The following DISP3 variants were observed in gnomAD, a reference collection of about 807,000 sequenced individuals.
The protein encoded by DISP3 is protein dispatched homolog 3.
DISP3 carries 101 observed loss-of-function variants against 135.3 expected under a neutral mutation model. The observed-to-expected ratio is 0.75, with a 90% CI of 0.64 to 0.88. DISP3 has a LOEUF of 0.88. Among genes scored for constraint, DISP3 ranks in the 40% least tolerant of loss-of-function variants. The pLI is 0.00. For synonymous variants in DISP3, 856 were observed against 817.0 expected (o/e 1.05, Z -0.81); for missense variants, 1,713 against 1,878.6 (o/e 0.91, Z 1.63).
chr1:11,517,389 C>T (rs969082055), intron 6 of DISP3, 74 bp from the exon 7 acceptor site: 12 of 1,579,344 alleles, frequency 7.6e-6, no homozygotes, highest in Admixed American at 1.7e-5. Context: ...GTGTCTCTGG[C>T]TGCAGGGGGC....
chr1:11,530,504 G>A (rs1264232808), intron 15 of DISP3, among the ~76,000 whole-genome samples: 1 of 152,144 alleles, frequency 6.6e-6, no homozygotes, highest in African/African-American at 2.4e-5. Context: ...GGGGCAAGGT[G>A]GAGTCGGAGG....
chr1:11,530,879 C>T (rs749187578), intron 15 of DISP3, 28 bp from the exon 16 acceptor site: 16 of 1,612,384 alleles, frequency 9.9e-6, no homozygotes, highest in Non-Finnish European at 1.3e-5. Flanking sequence ...CTGAGCGGCC[C>T]GGGCCGGCTT....
rs558746349 is a variant in DISP3 at position 11,520,119 on chromosome 1, CATGGGCCCTGGAG to C, written c.2200+240_2200+252del. 3.6e-4 allele frequency among the ~76,000 whole-genome samples: 55 copies of C among 152,344 alleles called. No individual in the cohort carries two copies. The highest frequency in any genetic ancestry group is 1.2e-3 in the African/African-American group (49 of 41,582). ...GGGCAGTAGCACAGAGCATGCCACA[CATGGGCCCTGGAG>C]TTAGACCCACTTGAGTCTGAGTCCC... On this transcript the variant is annotated intron_variant, in intron 9 of 20. Coordinates refer to ENST00000294484, the MANE Select transcript of DISP3 (RefSeq NM_020780.2). This position sits in a 1 kb window ranked among gnomAD's most constrained non-coding sequence, Gnocchi z 4.8.
chr1:11,501,552 G>A lies in DISP3; in HGVS notation c.560G>A (p.Arg187Gln), dbSNP rs1184098211. ...TCACTCGGTGGCCCAGGCCCTTACC[G>A]GGACACTTCCGCGGCTCAAAAGCCC... is the stretch of plus-strand genomic sequence containing the variant. ...AASLGGPGPYRDTSAAQKPTA... is the reference protein window; with the variant it reads ...AASLGGPGPYQDTSAAQKPTA... The change falls in exon 2 of 21, where the codon CGG becomes CAG. Residue 187 changes from arginine to glutamine, a missense_variant. This residue lies in a region of DISP3 where 571 missense variants were observed against 494.1 expected (regional missense o/e 1.16). Transcript: ENST00000294484. This position sits in a 1 kb window ranked among gnomAD's most constrained non-coding sequence, Gnocchi z 4.9. 1 of 1,589,386 alleles carries A rather than the reference G, an allele frequency of 6.3e-7. No individual in the cohort carries two copies. Among genetic ancestry groups the A allele is most frequent in the Non-Finnish European group, 8.6e-7 (1 of 1,166,196 alleles).
Position 11,519,835 on chromosome 1 carries a change from C to T in DISP3, c.2155C>T (p.His719Tyr). Residue 719 changes from histidine to tyrosine, a missense_variant, in exon 9 of 21, where the codon CAC (histidine) becomes TAC (tyrosine). Around this residue, in one of 2 missense-constraint regions of DISP3, gnomAD observed 1,142 missense variants for 1,384.6 expected, o/e 0.82. Coordinates refer to ENST00000294484, the MANE Select transcript of DISP3 (RefSeq NM_020780.2). This position sits in a 1 kb window ranked among gnomAD's most constrained non-coding sequence, Gnocchi z 4.3. ...LIVQLQELLH[H>Y]WVLWSAVKSR... Reference sequence around the variant, plus strand: ...CGTGCAGCTGCAGGAGCTGCTGCACCACTGGGTCCTGTGGTCAGCCGTCAA... The same window carrying T: ...CGTGCAGCTGCAGGAGCTGCTGCACTACTGGGTCCTGTGGTCAGCCGTCAA... The T allele has an allele frequency of 6.2e-7, 1 of 1,612,430 alleles. No individual in the cohort carries two copies. Among genetic ancestry groups the T allele is most frequent in the Non-Finnish European group, 8.5e-7 (1 of 1,179,952 alleles).
Position 11,501,840 on chromosome 1 carries a change from G to A in DISP3, c.848G>A (p.Gly283Asp), listed in dbSNP as rs750778571. 1.2e-6 allele frequency: 2 copies of A among 1,611,864 alleles called. No individual in the cohort carries two copies. Among genetic ancestry groups the A allele is most frequent in the Non-Finnish European group, 1.7e-6 (2 of 1,179,016 alleles). Residue 283 changes from glycine to aspartate, a missense_variant, in exon 2 of 21, where the codon GGC (glycine) becomes GAC (aspartate). Transcript: ENST00000294484. This position sits in a 1 kb window ranked among gnomAD's most constrained non-coding sequence, Gnocchi z 4.9. The part of the protein sequence containing the change: ...WRIELIFLAR[G>D]DAERNIFTSE... ...ATCGAGCTCATCTTCCTGGCGCGCG[G>A]CGACGCGGAGCGCAACATTTTCACC...
chr1:11,501,847 G>C lies in DISP3; in HGVS notation c.855G>C (p.Ala285=), dbSNP rs779074937. The C allele has an allele frequency of 1.2e-6, 2 of 1,612,274 alleles. No individual in the cohort carries two copies. The highest frequency in any genetic ancestry group is 1.7e-6 in the Non-Finnish European group (2 of 1,179,196). ...TCATCTTCCTGGCGCGCGGCGACGC[G>C]GAGCGCAACATTTTCACCAGTGAGC... ...IELIFLARGD[A]ERNIFTSERL... The change falls in exon 2 of 21, where the codon GCG becomes GCC. Residue 285 remains alanine, a synonymous_variant. Transcript: ENST00000294484. The surrounding 1 kb of genome is among the most constrained non-coding windows in gnomAD (Gnocchi z 4.9).
chr1:11,521,323 T>C (rs1481260877), intron 10 of DISP3, among the ~76,000 whole-genome samples: 2 of 62,680 alleles, frequency 3.2e-5, no homozygotes, highest in Admixed American at 2.2e-4. Context: ...TTAACCAGGC[T>C]GGGAGGAGAA....
rs952541624 is a variant in DISP3 at position 11,499,454 on chromosome 1, C to T, written c.-3-1536C>T. Among the ~76,000 whole-genome samples the T allele has an allele frequency of 2.0e-5, 3 of 152,166 alleles. No individual in the cohort carries two copies. The highest frequency in any genetic ancestry group is 7.2e-5 in the African/African-American group (3 of 41,434). The stretch of plus-strand genomic sequence containing the variant: ...GTCTGAGCTGCCTCCAGTGCGAATA[C>T]AAATCGGGACTCAGAGCAGTTACCA... On this transcript the variant is annotated intron_variant, in intron 1 of 20. Coordinates refer to ENST00000294484, the MANE Select transcript of DISP3 (RefSeq NM_020780.2). The surrounding 1 kb of genome is among the most constrained non-coding windows in gnomAD (Gnocchi z 5.2).
rs1397958160 is a variant in DISP3 at position 11,530,765 on chromosome 1, G to A, written c.3103-142G>A. 3 of 1,123,058 alleles carry A rather than the reference G, an allele frequency of 2.7e-6. No individual in the cohort carries two copies. In the East Asian group the frequency reaches 7.3e-5, roughly 27 times the overall value. The allele number at this position is 1,123,058 out of a possible 1,614,324, so 69.6% of individuals were successfully genotyped here. A position where few individuals can be genotyped will look rare whatever the true frequency, so the allele number is the denominator to read the frequency against. ...AGAGGGTTAGGGTGGAGCAGTGGGT[G>A]AGCAGTTGCAGGCTGCCAACATGAG... On this transcript the variant is annotated intron_variant, in intron 15 of 20. Transcript: ENST00000294484.
rs1312831392 is a variant in DISP3, at chr1:11,536,809, C to G, written c.*123C>G. On this transcript the variant is annotated 3_prime_UTR_variant, in exon 21 of 21. Coordinates refer to ENST00000294484, the MANE Select transcript of DISP3 (RefSeq NM_020780.2). This position sits in a 1 kb window ranked among gnomAD's most constrained non-coding sequence, Gnocchi z 4.3. ...GGGCCCAGGGCGCCCTGCGGGCCAG[C>G]GTGGAGGCTGACACCCACACAGATG... The G allele has an allele frequency of 7.8e-7, 1 of 1,283,622 alleles. No homozygotes were observed. Among genetic ancestry groups the G allele is most frequent in the African/African-American group, 1.5e-5 (1 of 65,068 alleles). The allele number at this position is 1,283,622 out of a possible 1,614,324, so 79.5% of individuals were successfully genotyped here.
chr1:11,501,657 G>T lies in DISP3; in HGVS notation c.665G>T (p.Arg222Leu), dbSNP rs779679457. 1.9e-6 allele frequency: 3 copies of T among 1,608,712 alleles called. No homozygotes were observed. In the South Asian group the frequency reaches 3.3e-5, roughly 18 times the overall value. ...GCAGCCAACCAGAGTGAAGACCCGC[G>T]AAACCAGCGGCTGAGCAAGAATGGG... Reference protein sequence around the residue: ...DLAANQSEDPRNQRLSKNGRY... With the variant: ...DLAANQSEDPLNQRLSKNGRY... Residue 222 changes from arginine (R) to leucine (L), a missense_variant, in exon 2 of 21, where the codon CGA (arginine) becomes CTA (leucine). Around this residue, in one of 2 missense-constraint regions of DISP3, gnomAD observed 571 missense variants for 494.1 expected, o/e 1.16. Coordinates refer to ENST00000294484, the MANE Select transcript of DISP3 (RefSeq NM_020780.2). This position sits in a 1 kb window ranked among gnomAD's most constrained non-coding sequence, Gnocchi z 4.9.
chr1:11,501,124 T>C lies in DISP3; in HGVS notation c.132T>C (p.Cys44=). The C allele has an allele frequency of 6.2e-7, 1 of 1,613,932 alleles. No individual in the cohort carries two copies. The highest frequency in any genetic ancestry group is 1.7e-4 in the Middle Eastern group (1 of 6,048). Residue 44 remains cysteine (C), a synonymous_variant, in exon 2 of 21, where the codon TGT becomes TGC. Coordinates refer to ENST00000294484, the MANE Select transcript of DISP3 (RefSeq NM_020780.2). This position sits in a 1 kb window ranked among gnomAD's most constrained non-coding sequence, Gnocchi z 4.9. ...PGPQPGAGGQ[C]CWRHWPLASR... is the part of the protein sequence containing the mutation. ...CCCAACCTGGGGCAGGGGGACAGTG[T>C]TGCTGGCGGCACTGGCCCCTGGCTT...
rs546151331 is a variant in DISP3, at chr1:11,497,427, C to T, written c.-3-3563C>T. Among the ~76,000 whole-genome samples the T allele has an allele frequency of 4.6e-5, 7 of 151,604 alleles. No individual in the cohort carries two copies. The East Asian group carries it at 1.2e-3, about 25-fold the overall frequency. On this transcript the variant is annotated intron_variant, in intron 1 of 20. Transcript: ENST00000294484. ...TTTAGACGGAGTCTTGCTCTGTCGTCGCCCAGGCTGGAGTGCAGTGGTGCG... is the reference window on the plus strand; with the variant it reads ...TTTAGACGGAGTCTTGCTCTGTCGTTGCCCAGGCTGGAGTGCAGTGGTGCG...
Position 11,529,101 on chromosome 1 carries a change from A to G in DISP3, c.2799-455A>G, listed in dbSNP as rs1642505372. 6.6e-6 allele frequency among the ~76,000 whole-genome samples: 1 copy of G among 152,200 alleles called. No homozygotes were observed. The highest frequency in any genetic ancestry group is 6.5e-5 in the Admixed American group (1 of 15,288). ...GCTGCACTGGGTCTAGTGGTTAGCC[A>G]GCTGTTGACACTGGAGCCCTTCCTT... On this transcript the variant is annotated intron_variant, in intron 13 of 20. Transcript: ENST00000294484. This position sits in a 1 kb window ranked among gnomAD's most constrained non-coding sequence, Gnocchi z 4.7.
At chr1:11,522,684 G>GCCAGGGCCCAGCCAGGA (rs1642253467) in intron 10 of DISP3, among the ~76,000 whole-genome samples, 2 of 47,154 alleles carry the variant, frequency 4.2e-5, no homozygotes, top group African/African-American at 8.7e-5. Context: ...CCCAGCCAGA[G>GCCAGGGCCCAGCCAGGA]CCCAGCCAGG....
rs1640826853 is a variant in DISP3, at chr1:11,479,363, G to T, written c.-13G>T. The T allele has an allele frequency of 6.5e-6, 1 of 153,258 alleles. No homozygotes were observed. Among genetic ancestry groups the T allele is most frequent in the African/African-American group, 2.4e-5 (1 of 41,442 alleles). The allele number at this position is 153,258 out of a possible 1,614,324, so 9.5% of individuals were successfully genotyped here. A position where few individuals can be genotyped will look rare whatever the true frequency, so the allele number is the denominator to read the frequency against. On this transcript the variant is annotated 5_prime_UTR_variant, in exon 1 of 21. Coordinates refer to ENST00000294484, the MANE Select transcript of DISP3 (RefSeq NM_020780.2). ...CGGCGGCTCAGCCTAGCCCCGTTCG[G>T]CCGGCCGAGGTGAGTGCACGGCCGC...
intron 4 of DISP3, among the ~76,000 whole-genome samples, chr1:11,514,825 G>A (rs963741532): frequency 5.3e-5 from 8 of 152,160 alleles, no homozygotes; most frequent in African/African-American, 1.9e-4. Flanking sequence ...CTGGGGTATT[G>A]TATTCCTTTG....
At chr1:11,496,365 T>A (rs1641333092) in intron 1 of DISP3, among the ~76,000 whole-genome samples, 2 of 152,020 alleles carry the variant, frequency 1.3e-5, no homozygotes, top group African/African-American at 2.4e-5. Flanking sequence ...CCTGTATGTG[T>A]GAGAGAGAGA....
Sources: allele counts gnomAD v4.1 joint callset (sites outside exome capture counted in the v4.1 genomes callset), GRCh38; gene constraint gnomAD v4.1.1; regional missense constraint gnomAD v4.1.1; non-coding constraint Gnocchi (gnomAD v3.1); transcripts MANE v1.5; gene names NCBI Gene and HGNC (gene_info 2026-07-23, HGNC 2026-07-21).